The following TMEM117 variants were observed in gnomAD, a reference collection of about 807,000 sequenced individuals.
TMEM117 encodes transmembrane protein 117.
A neutral mutation model predicts 52.4 loss-of-function variants in TMEM117; 27 were observed. The observed-to-expected ratio is 0.51, with a 90% confidence interval of 0.38 to 0.71. The LOEUF is 0.71. Among genes scored for constraint, TMEM117 ranks in the 30% least tolerant of loss-of-function variants. The probability of loss-of-function intolerance (pLI) is 0.00; values close to 1 mark genes in which losing one functional copy is unlikely to be tolerated. For missense variants in TMEM117, 556 were observed against 630.5 expected (o/e 0.88, Z 1.26); for synonymous variants, 215 against 206.3 (o/e 1.04, Z -0.36).
intron 2 of TMEM117, among the ~76,000 whole-genome samples, chr12:43,928,593 A>G (rs1944819882): frequency 2.0e-5 from 3 of 151,798 alleles, no homozygotes; most frequent in African/African-American, 7.3e-5. Context: ...TTATTTATTT[A>G]TTTATTTTTT....
intron 3 of TMEM117, among the ~76,000 whole-genome samples, chr12:44,027,315 A>C (rs569614202): frequency 1.1e-4 from 17 of 151,892 alleles, no homozygotes; most frequent in Admixed American, 9.2e-4. Flanking sequence ...CTGGGATTAC[A>C]AGCATTCACC....
At chr12:44,104,962 C>T (rs1260109745) in intron 3 of TMEM117, among the ~76,000 whole-genome samples, 7 of 151,860 alleles carry the variant, frequency 4.6e-5, no homozygotes, top group East Asian at 1.9e-4. Context: ...AGACTTTTGA[C>T]ATTGATCCTG....
intron 5 of TMEM117, among the ~76,000 whole-genome samples, chr12:44,272,469 A>G (rs1343314169): frequency 6.6e-6 from 1 of 152,172 alleles, no homozygotes; most frequent in Non-Finnish European, 1.5e-5. Flanking sequence ...TTTGCAATCT[A>G]CTCATCTGAC....
intron 5 of TMEM117, among the ~76,000 whole-genome samples, chr12:44,241,393 GAC>G (rs1950059797): frequency 1.3e-5 from 2 of 150,154 alleles, no homozygotes; most frequent in South Asian, 4.2e-4. Flanking sequence ...AGATTAAAAA[GAC>G]ATAGTGATTC....
chr12:44,077,189 A>G (rs1387325673), intron 3 of TMEM117, among the ~76,000 whole-genome samples: 24 of 152,178 alleles, frequency 1.6e-4, no homozygotes, highest in Admixed American at 1.6e-3. Context: ...TCATTAGAAC[A>G]GTTGCTCAAA....
At position 44,178,729 on chromosome 12, in the gene TMEM117, T is replaced by C. The variant is rs1276876698; in HGVS notation, c.511-32561T>C. Among the ~76,000 whole-genome samples the C allele has an allele frequency of 2.3e-5, 3 of 131,466 alleles. No homozygotes were observed. The East Asian group carries it at 5.9e-4, about 26-fold the overall frequency. The allele number at this position is 131,466 out of a possible 152,430, so 86.2% of individuals were successfully genotyped here. ...ATAAATTATGCAATTGTCTACATTA[T>C]GGGTTTTTTCCCCCTTTAAAAGGAG... On this transcript the variant is annotated intron_variant, in intron 4 of 7. Coordinates refer to ENST00000266534, the MANE Select transcript of TMEM117 (RefSeq NM_032256.3).
Position 43,844,568 on chromosome 12 carries a change from G to A in TMEM117, c.-28-56G>A, listed in dbSNP as rs1022821327. 6.2e-6 allele frequency: 9 copies of A among 1,444,732 alleles called. No individual in the cohort carries two copies. The African/African-American group carries it at 1.0e-4, about 16-fold the overall frequency. 89.5% of individuals were successfully genotyped at this position (1,444,732 alleles called of 1,614,324 possible). A position where few individuals can be genotyped will look rare whatever the true frequency, so the allele number is the denominator to read the frequency against. On this transcript the variant is annotated intron_variant, in intron 1 of 7. Transcript: ENST00000266534. ...TGTTATAAACCTGAACTGATAAAAAGAAGAAAGCCATTACTTGTTTTCCTC... is the reference window on the plus strand; with the variant it reads ...TGTTATAAACCTGAACTGATAAAAAAAAGAAAGCCATTACTTGTTTTCCTC...
intron 2 of TMEM117, among the ~76,000 whole-genome samples, chr12:43,879,587 G>A (rs1943860465): frequency 6.6e-6 from 1 of 152,180 alleles, no homozygotes; most frequent in South Asian, 2.1e-4. Context: ...TCTAATGAGG[G>A]CTATGTCATC....
At chr12:43,854,050 G>T (rs975079859) in intron 2 of TMEM117, among the ~76,000 whole-genome samples, 1 of 152,126 alleles carries the variant, frequency 6.6e-6, no homozygotes, top group Non-Finnish European at 1.5e-5. Context: ...CAGTGAAAAG[G>T]TAGGTTGGGC....
chr12:44,182,874 C>T (rs1044590778), intron 4 of TMEM117, among the ~76,000 whole-genome samples: 4 of 152,220 alleles, frequency 2.6e-5, no homozygotes, highest in East Asian at 1.9e-4. Context: ...AAACAAAAAA[C>T]GCTTTTAATC....
chr12:44,270,401 A>C (rs1950431888), intron 5 of TMEM117, among the ~76,000 whole-genome samples: 1 of 152,004 alleles, frequency 6.6e-6, no homozygotes, highest in Non-Finnish European at 1.5e-5. Flanking sequence ...TGCGTTCTTG[A>C]TTTGATTTTC....
chr12:44,087,827 C>T (rs1346672381), intron 3 of TMEM117, among the ~76,000 whole-genome samples: 1 of 152,130 alleles, frequency 6.6e-6, no homozygotes, highest in Non-Finnish European at 1.5e-5. Flanking sequence ...TTCTCTGCCT[C>T]TCTAAACTTG....
At chr12:44,364,835 C>T (rs1282303877) in intron 6 of TMEM117, among the ~76,000 whole-genome samples, 5 of 152,140 alleles carry the variant, frequency 3.3e-5, no homozygotes, top group South Asian at 4.2e-4. Context: ...TATGCACAGC[C>T]GCAGTATGTT....
At chr12:44,079,879 G>A (rs993589906) in intron 3 of TMEM117, among the ~76,000 whole-genome samples, 13 of 151,758 alleles carry the variant, frequency 8.6e-5, no homozygotes, top group South Asian at 4.2e-4. Flanking sequence ...TTAGCTAGGC[G>A]TGGTGGCAGG....
intron 3 of TMEM117, among the ~76,000 whole-genome samples, chr12:44,105,069 C>T (rs930062950): frequency 6.6e-6 from 1 of 151,632 alleles, no homozygotes; most frequent in Non-Finnish European, 1.5e-5. Context: ...TTCTTCTGTT[C>T]CTTTCTCTCT....
chr12:44,293,798 T>C (rs1026151998), intron 5 of TMEM117, among the ~76,000 whole-genome samples: 8 of 152,184 alleles, frequency 5.3e-5, no homozygotes, highest in African/African-American at 1.9e-4. Flanking sequence ...TTAATACTTT[T>C]GTTTCTTAAC....
chr12:43,856,911 A>G (rs1490490272), intron 2 of TMEM117, among the ~76,000 whole-genome samples: 2 of 152,222 alleles, frequency 1.3e-5, no homozygotes, highest in Admixed American at 6.5e-5. Flanking sequence ...AAAAATTCCC[A>G]GGAACACCCT....
chr12:44,098,507 A>T (rs1947811198), intron 3 of TMEM117, among the ~76,000 whole-genome samples: 1 of 152,054 alleles, frequency 6.6e-6, no homozygotes, highest in South Asian at 2.1e-4. Flanking sequence ...TGAATACCAG[A>T]GTCAAGCAAA....
At chr12:44,141,958 A>G (rs1948577038) in intron 3 of TMEM117, among the ~76,000 whole-genome samples, 1 of 152,200 alleles carries the variant, frequency 6.6e-6, no homozygotes, top group Non-Finnish European at 1.5e-5. Context: ...CTACTTGTGG[A>G]CAGAGTAGAT....
Sources: allele counts gnomAD v4.1 joint callset (sites outside exome capture counted in the v4.1 genomes callset), GRCh38; gene constraint gnomAD v4.1.1; transcripts MANE v1.5; gene names NCBI Gene and HGNC (gene_info 2026-07-23, HGNC 2026-07-21).